The following CDHR3 variants were observed in gnomAD, a reference collection of about 807,000 sequenced individuals.
CDHR3 encodes cadherin-related family member 3.
In CDHR3, 79 loss-of-function variants were observed where a neutral mutation model predicts 86.6. That is an observed-to-expected ratio of 0.91 (90% confidence interval 0.76 to 1.10). The LOEUF (loss-of-function observed/expected upper bound fraction) is 1.10. Ranked by LOEUF, CDHR3 falls within the 50% of genes least tolerant of loss-of-function variation. The pLI is 0.00. For synonymous variants in CDHR3, 421 were observed against 402.4 expected (o/e 1.05, Z -0.55); for missense variants, 1,081 against 1,077.6 (o/e 1.00, Z -0.04).
chr7:105,976,306 T>C (rs1221642595), intron 2 of CDHR3, among the ~76,000 whole-genome samples: 2 of 152,200 alleles, frequency 1.3e-5, no homozygotes, highest in African/African-American at 4.8e-5. Flanking sequence ...TGTATCCATC[T>C]TATTACCTCC....
chr7:106,025,499 T>A (rs1385519848), intron 15 of CDHR3, among the ~76,000 whole-genome samples: 1 of 152,252 alleles, frequency 6.6e-6, no homozygotes, highest in Non-Finnish European at 1.5e-5. Context: ...TCTTGTTTCA[T>A]TATTCTTCAC....
intron 12 of CDHR3, among the ~76,000 whole-genome samples, chr7:106,019,530 C>A (rs1836222539): frequency 6.6e-6 from 1 of 152,006 alleles, no homozygotes; most frequent in South Asian, 2.1e-4. Context: ...AATTCATAAG[C>A]TTTTTAAAAG....
intron 1 of CDHR3, among the ~76,000 whole-genome samples, chr7:105,971,157 A>T (rs1827906946): frequency 7.0e-6 from 1 of 143,590 alleles, no homozygotes; most frequent in Admixed American, 7.0e-5. Context: ...AAAAAAAAAA[A>T]TCAGTATCCC....
chr7:105,963,370 A>T lies in CDHR3; in HGVS notation c.46+6A>T, dbSNP rs759929009. 4 of 1,613,232 alleles carry T rather than the reference A, an allele frequency of 2.5e-6. No individual in the cohort carries two copies. On this transcript the variant is annotated splice_donor_region_variant and intron_variant, in intron 1 of 18. Transcript: ENST00000317716. ...TCTCCTGGGTGCCATGTCAGGTAGG[A>T]ACTCAATTTTGCTTTGGAACCTTGC...
At chr7:105,971,385 C>T (rs1646966551) in intron 1 of CDHR3, among the ~76,000 whole-genome samples, 2 of 152,132 alleles carry the variant, frequency 1.3e-5, no homozygotes, top group Non-Finnish European at 2.9e-5. Context: ...ATGGGACAGG[C>T]GGTTCCCAAT....
At chr7:105,997,698 T>C (rs1262418584) in intron 6 of CDHR3, among the ~76,000 whole-genome samples, 1 of 152,090 alleles carries the variant, frequency 6.6e-6, no homozygotes, top group Non-Finnish European at 1.5e-5. Flanking sequence ...GGAAGGTTAA[T>C]GGGGTTTCAA....
chr7:106,017,426 G>T (rs1488280412), intron 11 of CDHR3, among the ~76,000 whole-genome samples: 1 of 151,956 alleles, frequency 6.6e-6, no homozygotes, highest in African/African-American at 2.4e-5. Flanking sequence ...AGGTGTGGTC[G>T]TGGGCACCTG....
At position 106,030,659 on chromosome 7, in the gene CDHR3, A is replaced by C; in HGVS notation, c.2305-133A>C. 1 of 752,614 alleles carries C rather than the reference A, an allele frequency of 1.3e-6. No individual in the cohort carries two copies. The allele number at this position is 752,614 out of a possible 1,614,324, so 46.6% of individuals were successfully genotyped here. On this transcript the variant is annotated intron_variant, in intron 17 of 18. Transcript: ENST00000317716. The surrounding 1 kb of genome is among the most constrained non-coding windows in gnomAD (Gnocchi z 4.8). ...GTTCATCACTGTGTCCCCTGCATCT[A>C]TCACAGTGCCTAATTAAAGACTTAG...
Position 106,024,626 on chromosome 7 carries a change from CAGG to C in CDHR3, c.2258+67_2258+69del, listed in dbSNP as rs1837085057. Reference sequence around the variant, plus strand: ...TTTAGGACACTGTTTCTGGTGACATCAGGAGAAGGAAAAATGGAGAATCAGGAT... The same window carrying C: ...TTTAGGACACTGTTTCTGGTGACATCAGAAGGAAAAATGGAGAATCAGGAT... On this transcript the variant is annotated intron_variant, in intron 15 of 18. Transcript: ENST00000317716. The C allele has an allele frequency of 6.0e-6, 9 of 1,495,640 alleles. 1 individual carries two copies. In the East Asian group the frequency reaches 1.8e-4, roughly 30 times the overall value. The allele number at this position is 1,495,640 out of a possible 1,614,324, so 92.6% of individuals were successfully genotyped here. A position where few individuals can be genotyped will look rare whatever the true frequency, so the allele number is the denominator to read the frequency against.
intron 1 of CDHR3, among the ~76,000 whole-genome samples, chr7:105,969,151 C>A (rs1452189788): frequency 1.3e-5 from 2 of 150,106 alleles, no homozygotes; most frequent in South Asian, 2.1e-4. Flanking sequence ...AATCCCAGCA[C>A]TTTGGGAGGC....
chr7:105,971,018 G>A (rs1827870253), intron 1 of CDHR3, among the ~76,000 whole-genome samples: 1 of 152,038 alleles, frequency 6.6e-6, no homozygotes, highest in South Asian at 2.1e-4. Context: ...GCAGGTGCCT[G>A]TGGTCCCAGC....
intron 1 of CDHR3, among the ~76,000 whole-genome samples, chr7:105,973,421 G>T (rs529304871): frequency 3.9e-5 from 6 of 152,164 alleles, no homozygotes; most frequent in Non-Finnish European, 7.3e-5. Context: ...CAAGGTGTTG[G>T]CAGTGTTGGT....
chr7:105,981,692 C>T (rs1447904037), intron 3 of CDHR3, among the ~76,000 whole-genome samples: 2 of 152,132 alleles, frequency 1.3e-5, no homozygotes, highest in African/African-American at 2.4e-5. Flanking sequence ...CAAACATCCA[C>T]CTTTCTCACC....
Position 106,020,426 on chromosome 7 carries a change from C to T in CDHR3, c.1707C>T (p.Asn569=), listed in dbSNP as rs1218121165. Residue 569 remains asparagine (N), a synonymous_variant, in exon 13 of 19, where the codon AAC becomes AAT. Coordinates refer to ENST00000317716, the MANE Select transcript of CDHR3 (RefSeq NM_152750.5). ...ATGAAAAGCCAATTTGTACTCCAAA[C>T]TCTTATTTCCTGGCCCTCCCAGTGG... is the stretch of plus-strand genomic sequence containing the variant. ...ENDEKPICTP[N]SYFLALPVDL... 5 of 1,613,860 alleles carry T rather than the reference C, an allele frequency of 3.1e-6. No individual in the cohort carries two copies. In the South Asian group the frequency reaches 4.4e-5, roughly 14 times the overall value.
intron 1 of CDHR3, among the ~76,000 whole-genome samples, chr7:105,968,468 C>T (rs1460288185): frequency 6.6e-6 from 1 of 151,960 alleles, no homozygotes; most frequent in Non-Finnish European, 1.5e-5. Flanking sequence ...TCAAGTGATT[C>T]TCCTGCCTCA....
rs528812871 is a variant in CDHR3 at position 106,022,093 on chromosome 7, G to A, written c.1826-105G>A. On this transcript the variant is annotated intron_variant, in intron 13 of 18. Transcript: ENST00000317716. ...ATCAGAGACACAGTCTACACTTGAG[G>A]TGTGGACATTTGAGAAAAAGATTGA... 388 of 1,374,216 alleles carry A rather than the reference G, an allele frequency of 2.8e-4. 1 individual carries two copies. Among genetic ancestry groups the A allele is most frequent in the Middle Eastern group, 3.7e-4 (2 of 5,434 alleles). The allele number at this position is 1,374,216 out of a possible 1,614,324, so 85.1% of individuals were successfully genotyped here.
chr7:105,985,050 C>A (rs1830319982), intron 4 of CDHR3, among the ~76,000 whole-genome samples: 1 of 109,594 alleles, frequency 9.1e-6, no homozygotes, highest in Non-Finnish European at 1.9e-5. Flanking sequence ...TAGAGCAAGA[C>A]CCTGTCTCAA....
chr7:106,025,266 A>C (rs1381442009), intron 15 of CDHR3, among the ~76,000 whole-genome samples: 1 of 152,192 alleles, frequency 6.6e-6, no homozygotes, highest in Non-Finnish European at 1.5e-5. Context: ...CTTACAGCTT[A>C]GATGGTTCTG....
chr7:106,024,564 T>G lies in CDHR3; in HGVS notation c.2258+2T>G, dbSNP rs749816302. On this transcript the variant is annotated splice_donor_variant, in intron 15 of 18. Transcript: ENST00000317716. LOFTEE classifies it high-confidence loss of function. Reference sequence around the variant, plus strand: ...GACTGGGAAGAACAAGGAACCTCTGTAAGTTGCCAGTGGGCTGGGCCCTCT... The same window carrying G: ...GACTGGGAAGAACAAGGAACCTCTGGAAGTTGCCAGTGGGCTGGGCCCTCT... 6.2e-7 allele frequency: 1 copy of G among 1,613,880 alleles called. No homozygotes were observed. Among genetic ancestry groups the G allele is most frequent in the Non-Finnish European group, 8.5e-7 (1 of 1,179,830 alleles).
Sources: allele counts gnomAD v4.1 joint callset (sites outside exome capture counted in the v4.1 genomes callset), GRCh38; gene constraint gnomAD v4.1.1; non-coding constraint Gnocchi (gnomAD v3.1); transcripts MANE v1.5; gene names NCBI Gene and HGNC (gene_info 2026-07-23, HGNC 2026-07-21).